ARID2: variants seen among roughly 807,000 people sequenced by gnomAD.
ARID2 encodes AT-rich interactive domain-containing protein 2.
A neutral mutation model predicts 184.6 loss-of-function variants in ARID2; 32 were observed. The ratio of observed to expected loss-of-function variants is 0.17; its 90% confidence interval spans 0.13 to 0.23. ARID2 has a LOEUF of 0.23. Ranked by LOEUF, ARID2 falls within the 10% of genes least tolerant of loss-of-function variation. The probability of loss-of-function intolerance (pLI) is 1.00; values close to 1 mark genes in which losing one functional copy is unlikely to be tolerated. For synonymous variants in ARID2, 836 were observed against 772.6 expected, an observed-to-expected ratio of 1.08 and a Z score of -1.36; for missense variants, 1,696 against 2,197.6, an observed-to-expected ratio of 0.77 and a Z score of 4.56.
At position 45,729,850 on chromosome 12, in the gene ARID2, C is replaced by G; in HGVS notation, c.14C>G (p.Thr5Arg). MANS[T>R]GKAPPDERRK... ...TTTGAAAAAATAATGGCAAACTCGACGGGGAAGGCGCCTCCGGACGAGCGG... is the reference window on the plus strand; with the variant it reads ...TTTGAAAAAATAATGGCAAACTCGAGGGGGAAGGCGCCTCCGGACGAGCGG... The change falls in exon 1 of 21, where the codon ACG becomes AGG. Residue 5 changes from threonine to arginine, a missense_variant. Thr to Arg is a moderately conservative substitution (Grantham distance 71). Transcript: ENST00000334344. 2 of 1,610,702 alleles carry G rather than the reference C, an allele frequency of 1.2e-6. No individual in the cohort carries two copies. The highest frequency in any genetic ancestry group is 1.7e-6 in the Non-Finnish European group (2 of 1,178,830).
At chr12:45,890,571 A>AT (rs773528131) in intron 16 of ARID2, among the ~76,000 whole-genome samples, 7 of 152,222 alleles carry the variant, frequency 4.6e-5, no homozygotes, top group Non-Finnish European at 8.8e-5. Flanking sequence ...ATTAAACGAA[A>AT]TTCTAAAACA....
chr12:45,907,297 C>G lies in ARID2; in HGVS notation c.*2219C>G, dbSNP rs921064189. The G allele has an allele frequency of 4.3e-6, 1 of 232,630 alleles. No homozygotes were observed. The highest frequency in any genetic ancestry group is 2.2e-5 in the African/African-American group (1 of 45,304). 14.4% of individuals were successfully genotyped at this position (232,630 alleles called of 1,614,324 possible). On this transcript the variant is annotated 3_prime_UTR_variant, in exon 21 of 21. Coordinates refer to ENST00000334344, the MANE Select transcript of ARID2 (RefSeq NM_152641.4). ...TTTAAAAAGTAAATTTGTGCAACAA[C>G]GTTTATTTGAAAGATAATGTCTTCT...
At chr12:45,834,325 T>G (rs920364189) in intron 6 of ARID2, among the ~76,000 whole-genome samples, 1 of 152,198 alleles carries the variant, frequency 6.6e-6, no homozygotes, top group Non-Finnish European at 1.5e-5. Context: ...ACAGTTACCT[T>G]TATCATTTAT....
chr12:45,791,483 C>A (rs78517450), intron 3 of ARID2, among the ~76,000 whole-genome samples: 2,932 of 152,166 alleles, frequency 0.019, 31 homozygotes, highest in Non-Finnish European at 0.03. Context: ...TACAGTGTTA[C>A]AACTGTCTAT....
intron 16 of ARID2, chr12:45,881,037 C>T: frequency 5.5e-6 from 1 of 181,986 alleles, no homozygotes; most frequent in Admixed American, 5.5e-5. Context: ...ACTTCCAGCT[C>T]ATGGCCTAGT....
At chr12:45,888,614 C>G (rs1376812316) in intron 16 of ARID2, among the ~76,000 whole-genome samples, 1 of 152,214 alleles carries the variant, frequency 6.6e-6, no homozygotes, top group Non-Finnish European at 1.5e-5. Flanking sequence ...GCTACTATTA[C>G]TGATCATGAT....
At chr12:45,760,105 A>G (rs1288968303) in intron 3 of ARID2, among the ~76,000 whole-genome samples, 1 of 152,212 alleles carries the variant, frequency 6.6e-6, no homozygotes, top group South Asian at 2.1e-4. Context: ...TCAAAGTATT[A>G]TAATCAGAAT....
At chr12:45,742,446 G>T (rs61925774) in intron 3 of ARID2, among the ~76,000 whole-genome samples, 2 of 152,114 alleles carry the variant, frequency 1.3e-5, no homozygotes, top group African/African-American at 4.8e-5. Flanking sequence ...AGTGCGTTTT[G>T]TGATGTTTGT....
intron 3 of ARID2, among the ~76,000 whole-genome samples, chr12:45,767,439 C>T (rs920850997): frequency 6.6e-6 from 1 of 151,626 alleles, no homozygotes; most frequent in Non-Finnish European, 1.5e-5. Flanking sequence ...TACATGGTTA[C>T]TTGGAAATAA....
At chr12:45,743,375 AAAG>A (rs938868911) in intron 3 of ARID2, among the ~76,000 whole-genome samples, 6 of 152,048 alleles carry the variant, frequency 3.9e-5, no homozygotes, top group Admixed American at 6.6e-5. Context: ...TCTCAAAAAA[AAAG>A]AGAGACAAAT....
At chr12:45,733,048 G>C (rs984791849) in intron 3 of ARID2, among the ~76,000 whole-genome samples, 2 of 151,970 alleles carry the variant, frequency 1.3e-5, no homozygotes, top group Non-Finnish European at 2.9e-5. Context: ...TGGGCTTTTT[G>C]CTCTTATTAG....
chr12:45,839,490 G>T lies in ARID2; in HGVS notation c.1492G>T (p.Ala498Ser), dbSNP rs755486741. 6.2e-7 allele frequency: 1 copy of T among 1,609,932 alleles called. No individual in the cohort carries two copies. Among genetic ancestry groups the T allele is most frequent in the Non-Finnish European group, 8.5e-7 (1 of 1,178,704 alleles). Residue 498 changes from alanine to serine, a missense_variant, in exon 11 of 21, where the codon GCC becomes TCC. Ala to Ser is a moderately conservative substitution (Grantham distance 99, BLOSUM62 1). Coordinates refer to ENST00000334344, the MANE Select transcript of ARID2 (RefSeq NM_152641.4). ...QVQTQTHVASAPASRAVVAQH... is the reference protein window; with the variant it reads ...QVQTQTHVASSPASRAVVAQH... ...CCAAACCCAGACTCATGTAGCATCT[G>T]CCCCAGGTTAGTGTTTTCACATATT...
At chr12:45,800,834 A>G (rs1441653292) in intron 3 of ARID2, among the ~76,000 whole-genome samples, 1 of 152,212 alleles carries the variant, frequency 6.6e-6, no homozygotes, top group Non-Finnish European at 1.5e-5. Flanking sequence ...AATCTGGGAC[A>G]CTGTCTAAAG....
rs1944492943 is a variant in ARID2, at chr12:45,904,244, T to G, written c.5364-690T>G. On this transcript the variant is annotated intron_variant, in intron 20 of 20. Transcript: ENST00000334344. Reference sequence around the variant, plus strand: ...TTAATGAAGACTAAGAAGCTTTAATTATACCTACAATATAATTTTAATTTC... The same window carrying G: ...TTAATGAAGACTAAGAAGCTTTAATGATACCTACAATATAATTTTAATTTC... 18 of 643,334 alleles carry G rather than the reference T, an allele frequency of 2.8e-5. No homozygotes were observed. In the East Asian group the frequency reaches 5.2e-4, roughly 19 times the overall value. The allele number at this position is 643,334 out of a possible 1,614,324, so 39.9% of individuals were successfully genotyped here. A position where few individuals can be genotyped will look rare whatever the true frequency, so the allele number is the denominator to read the frequency against.
intron 6 of ARID2, among the ~76,000 whole-genome samples, chr12:45,827,194 AT>A (rs1443451849): frequency 6.6e-6 from 1 of 151,914 alleles, no homozygotes; most frequent in East Asian, 1.9e-4. Flanking sequence ...TCTTAACTGA[AT>A]TTTGTGGTAA....
At chr12:45,865,638 A>C (rs1486731368) in intron 16 of ARID2, among the ~76,000 whole-genome samples, 1 of 152,086 alleles carries the variant, frequency 6.6e-6, no homozygotes, top group Non-Finnish European at 1.5e-5. Context: ...TTTAGAACTT[A>C]TGTGATTTTT....
chr12:45,782,708 G>A (rs941809269), intron 3 of ARID2, among the ~76,000 whole-genome samples: 10 of 152,062 alleles, frequency 6.6e-5, no homozygotes, highest in African/African-American at 2.2e-4. Flanking sequence ...GGCAGAACTA[G>A]GACTTGAACT....
At chr12:45,860,328 T>A (rs1306846623) in intron 15 of ARID2, among the ~76,000 whole-genome samples, 1 of 152,240 alleles carries the variant, frequency 6.6e-6, no homozygotes, top group Non-Finnish European at 1.5e-5. Flanking sequence ...GGTTACATCA[T>A]TATTGCTATC....
intron 20 of ARID2, among the ~76,000 whole-genome samples, chr12:45,899,727 A>T (rs377757094): frequency 6.6e-4 from 84 of 126,952 alleles, no homozygotes; most frequent in African/African-American, 2.1e-3. Context: ...ATATATGGTT[A>T]TATATATATG....
Sources: gnomAD v4.1 joint callset for allele counts (sites outside exome capture counted in the v4.1 genomes callset) on GRCh38, gnomAD v4.1.1 for gene constraint, MANE v1.5 for transcripts, NCBI Gene and HGNC (gene_info 2026-07-23, HGNC 2026-07-21) for gene names.